NFIC: variants seen among roughly 807,000 people sequenced by gnomAD.
NFIC encodes nuclear factor I C.
A neutral mutation model predicts 54.4 loss-of-function variants in NFIC; 12 were observed. That is an observed-to-expected ratio of 0.22 (90% CI 0.14 to 0.36). The LOEUF is 0.36. Among genes scored for constraint, NFIC ranks in the 10% least tolerant of loss-of-function variants. The pLI, the probability that NFIC is intolerant of heterozygous loss-of-function variation, is 1.00. For synonymous variants in NFIC, 322 were observed against 319.2 expected (o/e 1.01, Z -0.09); for missense variants, 575 against 718.2 (o/e 0.80, Z 2.28).
chr19:3,391,804 A>C (rs2081380916), intron 2 of NFIC, among the ~76,000 whole-genome samples: 1 of 152,200 alleles, frequency 6.6e-6, no homozygotes, highest in South Asian at 2.1e-4. Flanking sequence ...TTCAAAAAAA[A>C]ATGTTATATA....
At chr19:3,398,880 G>C (rs2081509045) in intron 2 of NFIC, among the ~76,000 whole-genome samples, 1 of 152,256 alleles carries the variant, frequency 6.6e-6, no homozygotes, top group African/African-American at 2.4e-5. Context: ...ACGGGCACTG[G>C]TGCGAATTCA....
Position 3,369,763 on chromosome 19 carries a change from C to T in NFIC, c.30+3097C>T, listed in dbSNP as rs1297678928. On this transcript the variant is annotated intron_variant, in intron 1 of 10. Coordinates refer to ENST00000443272, the MANE Select transcript of NFIC (RefSeq NM_001245002.2). This position sits in a 1 kb window ranked among gnomAD's most constrained non-coding sequence, Gnocchi z 4.3. Reference sequence around the variant, plus strand: ...GGCCTCCCTCCCTGCCTCCCTCCCGCTGGCGCCACCGCCACGTTAGTTATT... The same window carrying T: ...GGCCTCCCTCCCTGCCTCCCTCCCGTTGGCGCCACCGCCACGTTAGTTATT... 2.6e-5 allele frequency among the ~76,000 whole-genome samples: 4 copies of T among 152,224 alleles called. No individual in the cohort carries two copies. The highest frequency in any genetic ancestry group is 9.6e-5 in the African/African-American group (4 of 41,464).
At position 3,395,299 on chromosome 19, in the gene NFIC, C is replaced by T. The variant is rs1047404082; in HGVS notation, c.562+13056C>T. On this transcript the variant is annotated intron_variant, in intron 2 of 10. Coordinates refer to ENST00000443272, the MANE Select transcript of NFIC (RefSeq NM_001245002.2). ...ACTTCAATCCGGGAGGCAGAGGCTGCAGTCAGCAGAGATCGCACCACTGTA... is the reference window on the plus strand; with the variant it reads ...ACTTCAATCCGGGAGGCAGAGGCTGTAGTCAGCAGAGATCGCACCACTGTA... 7.2e-5 allele frequency among the ~76,000 whole-genome samples: 11 copies of T among 152,042 alleles called. 1 individual carries two copies. In the South Asian group the frequency reaches 2.3e-3, roughly 32 times the overall value.
rs150525004 is a variant in NFIC at position 3,436,745 on chromosome 19, G to C, written c.958+1538G>C. ...CCACCTCGGCCTCCCAAAGTGCTGG[G>C]ATGACAGGTGTGAGCCACTGCTCCC... On this transcript the variant is annotated intron_variant, in intron 6 of 10. Transcript: ENST00000443272. 1.1e-4 allele frequency among the ~76,000 whole-genome samples: 17 copies of C among 152,260 alleles called. No homozygotes were observed. In the East Asian group the frequency reaches 2.1e-3, roughly 19 times the overall value.
Position 3,464,704 on chromosome 19 carries a change from C to G in NFIC, c.*1935C>G. 1 of 985,278 alleles carries G rather than the reference C, an allele frequency of 1.0e-6. No homozygotes were observed. Among genetic ancestry groups the G allele is most frequent in the Middle Eastern group, 5.2e-4 (1 of 1,916 alleles). 61.0% of individuals were successfully genotyped at this position (985,278 alleles called of 1,614,324 possible). On this transcript the variant is annotated 3_prime_UTR_variant, in exon 11 of 11. Transcript: ENST00000443272. Reference sequence around the variant, plus strand: ...TCCCAAACTAGCCTCAGGAGCTTGGCGAACCCGCTCGCTCCTAAAGAGAAA... The same window carrying G: ...TCCCAAACTAGCCTCAGGAGCTTGGGGAACCCGCTCGCTCCTAAAGAGAAA...
intron 2 of NFIC, among the ~76,000 whole-genome samples, chr19:3,396,202 C>T (rs146345146): frequency 0.041 from 6,165 of 152,148 alleles, 431 homozygotes; most frequent in African/African-American, 0.14. Context: ...CCGGGCGCGG[C>T]GGCTCACGCC....
At chr19:3,419,915 G>A (rs905826398) in intron 2 of NFIC, among the ~76,000 whole-genome samples, 6 of 151,970 alleles carry the variant, frequency 3.9e-5, no homozygotes, top group African/African-American at 1.5e-4. Context: ...AGCTAACCCC[G>A]TACTTAGTGG....
intron 6 of NFIC, among the ~76,000 whole-genome samples, chr19:3,437,408 C>T (rs1318876033): frequency 1.3e-5 from 2 of 151,614 alleles, no homozygotes; most frequent in South Asian, 2.1e-4. Context: ...GGCACTCGGA[C>T]GCATCTAGTT....
chr19:3,386,574 C>A (rs900206103), intron 2 of NFIC, among the ~76,000 whole-genome samples: 1 of 151,886 alleles, frequency 6.6e-6, no homozygotes, highest in Admixed American at 6.6e-5. Context: ...CCGCCCTCCT[C>A]GGCCTCCCAA....
chr19:3,414,778 C>A (rs1004776639), intron 2 of NFIC, among the ~76,000 whole-genome samples: 12 of 152,162 alleles, frequency 7.9e-5, no homozygotes, highest in Non-Finnish European at 1.3e-4. Context: ...CAAACCCCGA[C>A]TCTGTGATGC....
intron 2 of NFIC, among the ~76,000 whole-genome samples, chr19:3,387,399 G>A (rs887204345): frequency 2.0e-5 from 3 of 152,186 alleles, no homozygotes; most frequent in Non-Finnish European, 4.4e-5. Context: ...CTACTCGGGA[G>A]GCTGAGGCAG....
intron 6 of NFIC, among the ~76,000 whole-genome samples, chr19:3,441,812 G>T (rs2082298224): frequency 6.6e-6 from 1 of 152,168 alleles, no homozygotes; most frequent in Non-Finnish European, 1.5e-5. Flanking sequence ...ACCCAGGCAG[G>T]CAGGGTCTCT....
rs998294513 is a variant in NFIC at position 3,446,057 on chromosome 19, C to T, written c.959-2957C>T. Among the ~76,000 whole-genome samples, 14 of 151,910 alleles carry T rather than the reference C, an allele frequency of 9.2e-5. 1 individual carries two copies. The highest frequency in any genetic ancestry group is 4.4e-5 in the Non-Finnish European group (3 of 67,968). ...GAGACCGATCTGGCCCCCACATCAG[C>T]AGTGCTGAGACTGAGAAATCCTGCG... On this transcript the variant is annotated intron_variant, in intron 6 of 10. Coordinates refer to ENST00000443272, the MANE Select transcript of NFIC (RefSeq NM_001245002.2).
chr19:3,405,078 G>A (rs1421238947), intron 2 of NFIC, among the ~76,000 whole-genome samples: 2 of 152,244 alleles, frequency 1.3e-5, no homozygotes, highest in African/African-American at 2.4e-5. Context: ...GCGGGGGCCG[G>A]GTGGAAAGAA....
At chr19:3,362,900 T>TG (rs2080828211), upstream of NFIC, among the ~76,000 whole-genome samples, 1 of 152,070 alleles carries the variant, frequency 6.6e-6, no homozygotes, top group Non-Finnish European at 1.5e-5. Flanking sequence ...GGGGTTACCA[T>TG]GGGGGGCTGG....
At chr19:3,401,572 C>T (rs1165995027) in intron 2 of NFIC, among the ~76,000 whole-genome samples, 2 of 152,202 alleles carry the variant, frequency 1.3e-5, no homozygotes, top group Admixed American at 1.3e-4. Flanking sequence ...CAGCACTGGG[C>T]ACGCCTGGGA....
At chr19:3,405,587 T>TTTAA (rs2081635318) in intron 2 of NFIC, among the ~76,000 whole-genome samples, 1 of 151,714 alleles carries the variant, frequency 6.6e-6, no homozygotes, top group East Asian at 1.9e-4. Flanking sequence ...TTTTATTTAA[T>TTTAA]TTAATTTATT....
intron 2 of NFIC, among the ~76,000 whole-genome samples, chr19:3,406,389 C>G (rs2081649312): frequency 1.2e-5 from 1 of 81,426 alleles, no homozygotes; most frequent in African/African-American, 4.6e-5. Context: ...CCACCGTGCC[C>G]TGCCTATTTT....
chr19:3,407,881 GA>G (rs1324043639), intron 2 of NFIC, among the ~76,000 whole-genome samples: 1 of 152,202 alleles, frequency 6.6e-6, no homozygotes, highest in African/African-American at 2.4e-5. Flanking sequence ...CTAGGAGGGA[GA>G]GGGGCAGGGA....
Sources: gnomAD v4.1 joint callset for allele counts (sites outside exome capture counted in the v4.1 genomes callset) on GRCh38, gnomAD v4.1.1 for gene constraint, Gnocchi (gnomAD v3.1) non-coding constraint, MANE v1.5 for transcripts, NCBI Gene and HGNC (gene_info 2026-07-23, HGNC 2026-07-21) for gene names.